Variants in TGFBR3 observed in about 807,000 individuals in gnomAD.
TGFBR3 encodes the protein transforming growth factor beta receptor type 3.
In TGFBR3, 46 loss-of-function variants were observed where a neutral mutation model predicts 87.9. The ratio of observed to expected loss-of-function variants is 0.52; its 90% CI spans 0.41 to 0.67. The LOEUF is 0.67. Ranked by LOEUF, TGFBR3 falls within the 30% of genes least tolerant of loss-of-function variation. TGFBR3 has a pLI of 0.00. For missense variants in TGFBR3, 866 were observed against 1,041.9 expected, an observed-to-expected ratio of 0.83 and a Z score of 2.32; for synonymous variants, 381 against 391.6, an observed-to-expected ratio of 0.97 and a Z score of 0.32.
intron 3 of TGFBR3, among the ~76,000 whole-genome samples, chr1:91,775,464 C>T (rs374291824): frequency 2.6e-5 from 4 of 152,338 alleles, no homozygotes; most frequent in East Asian, 1.9e-4. Flanking sequence ...GCATAGTTCA[C>T]GCCTTTTCAC....
intron 2 of TGFBR3, among the ~76,000 whole-genome samples, chr1:91,898,729 G>A (rs1679613612): frequency 1.3e-5 from 2 of 152,084 alleles, no homozygotes; most frequent in Non-Finnish European, 1.5e-5. Flanking sequence ...GAGCGAACAC[G>A]TCTGGCTGAT....
At chr1:91,891,154 G>T (rs1192309911) in intron 2 of TGFBR3, among the ~76,000 whole-genome samples, 1 of 151,482 alleles carries the variant, frequency 6.6e-6, no homozygotes, top group African/African-American at 2.4e-5. Flanking sequence ...CTCCCAAAGT[G>T]CTGGGATTAC....
chr1:91,829,323 C>A (rs760732455), intron 2 of TGFBR3, among the ~76,000 whole-genome samples: 2 of 151,722 alleles, frequency 1.3e-5, no homozygotes, highest in African/African-American at 4.8e-5. Context: ...TTGCAGTGAG[C>A]TGAGATTGCC....
intron 3 of TGFBR3, among the ~76,000 whole-genome samples, chr1:91,769,228 G>C (rs533669797): frequency 6.6e-6 from 1 of 152,312 alleles, no homozygotes; most frequent in East Asian, 1.9e-4. Flanking sequence ...CTAAGTGTTA[G>C]CTATTATTAC....
intron 3 of TGFBR3, among the ~76,000 whole-genome samples, chr1:91,760,861 G>C (rs755241627): frequency 2.0e-5 from 3 of 152,194 alleles, no homozygotes; most frequent in Non-Finnish European, 4.4e-5. Flanking sequence ...CAGAAGCAAA[G>C]ATTCAAACTG....
chr1:91,809,011 G>C (rs1461500982), intron 2 of TGFBR3, among the ~76,000 whole-genome samples: 2 of 152,158 alleles, frequency 1.3e-5, no homozygotes, highest in African/African-American at 4.8e-5. Context: ...CTGAAGGATA[G>C]TACACTTCTT....
At chr1:91,809,672 T>C (rs372955986) in intron 2 of TGFBR3, among the ~76,000 whole-genome samples, 4 of 152,230 alleles carry the variant, frequency 2.6e-5, no homozygotes, top group Non-Finnish European at 5.9e-5. Flanking sequence ...ATCAGGGCAC[T>C]CACAATTGGT....
intron 2 of TGFBR3, among the ~76,000 whole-genome samples, chr1:91,814,460 G>A (rs1017302758): frequency 2.0e-5 from 3 of 151,930 alleles, no homozygotes; most frequent in East Asian, 1.9e-4. Context: ...GAAACTTTCC[G>A]TGGTTTATGG....
chr1:91,875,976 TAAGAG>T (rs1678791782), intron 1 of TGFBR3, among the ~76,000 whole-genome samples: 1 of 124,606 alleles, frequency 8.0e-6, no homozygotes, highest in Non-Finnish European at 1.7e-5. Flanking sequence ...ATCCGGAACA[TAAGAG>T]GAAAACCAGG....
rs1199392056 is a variant in TGFBR3, at chr1:91,886,088, G to A, written c.-324C>T. On this transcript the variant is annotated 5_prime_UTR_variant, in exon 1 of 17. Transcript: ENST00000212355. ...AAGTGGCCGGGGCGCGAGAGCCGCC[G>A]ACTGCCCTCCTTCACTCGCTGGGAA... is the stretch of plus-strand genomic sequence containing the variant. The A allele has an allele frequency of 2.2e-6, 1 of 454,068 alleles. No individual in the cohort carries two copies. Among genetic ancestry groups the A allele is most frequent in the Admixed American group, 2.3e-5 (1 of 42,578 alleles). The allele number at this position is 454,068 out of a possible 1,614,324, so 28.1% of individuals were successfully genotyped here.
intron 3 of TGFBR3, among the ~76,000 whole-genome samples, chr1:91,774,793 A>AC (rs1674511451): frequency 6.6e-6 from 1 of 151,560 alleles, no homozygotes; most frequent in South Asian, 2.1e-4. Context: ...CCCTCCTGAC[A>AC]TTTTTTTTTC....
chr1:91,848,339 CT>C (rs1557742422), intron 2 of TGFBR3, among the ~76,000 whole-genome samples: 1 of 152,180 alleles, frequency 6.6e-6, no homozygotes, highest in Non-Finnish European at 1.5e-5. Context: ...TCAAGGCCTA[CT>C]AAAACAGAAT....
At chr1:91,751,416 G>A (rs535124384) in intron 4 of TGFBR3, among the ~76,000 whole-genome samples, 5 of 152,270 alleles carry the variant, frequency 3.3e-5, no homozygotes, top group Admixed American at 2.0e-4. Context: ...TGGGCTGTGC[G>A]TGTCCCTTCC....
At chr1:91,721,396 C>T (rs1449630730) in intron 8 of TGFBR3, among the ~76,000 whole-genome samples, 3 of 152,174 alleles carry the variant, frequency 2.0e-5, no homozygotes, top group Non-Finnish European at 4.4e-5. Context: ...ATTCTATTGG[C>T]ATTTCACTCA....
At chr1:91,892,566 AAACTG>A (rs1679472234) in intron 2 of TGFBR3, among the ~76,000 whole-genome samples, 1 of 152,164 alleles carries the variant, frequency 6.6e-6, no homozygotes, top group Non-Finnish European at 1.5e-5. Flanking sequence ...TTATTTTTTA[AAACTG>A]AACTGAAGTT....
At chr1:91,905,218 C>T (rs1570353436) in intron 1 of TGFBR3, among the ~76,000 whole-genome samples, 2 of 152,222 alleles carry the variant, frequency 1.3e-5, no homozygotes, top group East Asian at 1.9e-4. Flanking sequence ...AAGTTGAATC[C>T]ACACTGACAC....
chr1:91,848,443 C>T (rs1303586679), intron 2 of TGFBR3, among the ~76,000 whole-genome samples: 2 of 152,320 alleles, frequency 1.3e-5, no homozygotes, highest in South Asian at 2.1e-4. Flanking sequence ...AAAAGCAAAA[C>T]TTCCTATTCC....
At chr1:91,782,237 G>A (rs1674798229) in intron 3 of TGFBR3, among the ~76,000 whole-genome samples, 1 of 152,166 alleles carries the variant, frequency 6.6e-6, no homozygotes, top group Non-Finnish European at 1.5e-5. Context: ...AGGGGATGAG[G>A]GCGTTCAGAA....
chr1:91,780,208 C>A (rs1374338934), intron 3 of TGFBR3, among the ~76,000 whole-genome samples: 2 of 152,088 alleles, frequency 1.3e-5, no homozygotes, highest in Non-Finnish European at 2.9e-5. Context: ...TCTTTGGGGG[C>A]CATTATTTAG....
Sources: allele counts gnomAD v4.1 joint callset (sites outside exome capture counted in the v4.1 genomes callset), GRCh38; gene constraint gnomAD v4.1.1; transcripts MANE v1.5; gene names NCBI Gene and HGNC (gene_info 2026-07-23, HGNC 2026-07-21).